LY96: variants seen among roughly 807,000 people sequenced by gnomAD.
LY96 encodes myeloid differentiation protein-2.
Under a neutral mutation model 18.9 loss-of-function variants are expected in LY96, and 18 were observed. That is an observed-to-expected ratio of 0.95 (90% CI 0.66 to 1.41). The LOEUF (loss-of-function observed/expected upper bound fraction) is 1.41, where lower values mean the gene tolerates loss of function less well. Among genes scored for constraint, LY96 ranks in the 40% most tolerant of loss-of-function variants. LY96 has a pLI of 0.00. For synonymous variants in LY96, 66 were observed against 62.6 expected (o/e 1.06, Z -0.26); for missense variants, 175 against 182.4 (o/e 0.96, Z 0.23).
intron 1 of LY96, among the ~76,000 whole-genome samples, chr8:73,995,553 A>G (rs1411567745): frequency 6.6e-6 from 1 of 152,192 alleles, no homozygotes; most frequent in East Asian, 1.9e-4. Flanking sequence ...AATGGGGACG[A>G]GAGGAATGAG....
At chr8:74,006,811 T>C (rs1316726538) in intron 2 of LY96, among the ~76,000 whole-genome samples, 1 of 152,230 alleles carries the variant, frequency 6.6e-6, no homozygotes, top group Admixed American at 6.5e-5. Context: ...AGTGAATCCC[T>C]TGCCCTTACT....
At chr8:74,016,585 G>T (rs1389338223) in intron 3 of LY96, among the ~76,000 whole-genome samples, 1 of 152,364 alleles carries the variant, frequency 6.6e-6, no homozygotes, top group South Asian at 2.1e-4. Context: ...CCCCTGTGTA[G>T]CCTAACTCGG....
intron 3 of LY96, among the ~76,000 whole-genome samples, chr8:74,017,719 A>G (rs991178848): frequency 6.6e-6 from 1 of 152,242 alleles, no homozygotes. Context: ...GAAACTCTAC[A>G]AGCCAGAAGA....
At chr8:74,039,930 CAG>C in the LY96 span, among the ~76,000 whole-genome samples, 23 of 152,236 alleles carry the variant, frequency 1.5e-4, no homozygotes, top group African/African-American at 5.5e-4. Flanking sequence ...GCTGGTGGAG[CAG>C]AGTGTTCCCT....
chr8:74,078,643 G>A, the LY96 span, among the ~76,000 whole-genome samples: 1 of 152,114 alleles, frequency 6.6e-6, no homozygotes, highest in Non-Finnish European at 1.5e-5. Flanking sequence ...GAATCTGGCA[G>A]CACCCCTGGG....
chr8:74,055,550 A>G, the LY96 span, among the ~76,000 whole-genome samples: 1 of 152,208 alleles, frequency 6.6e-6, no homozygotes, highest in African/African-American at 2.4e-5. Flanking sequence ...TATGCATAGT[A>G]GACAGAATGG....
chr8:74,052,845 T>C, the LY96 span, among the ~76,000 whole-genome samples: 1 of 152,150 alleles, frequency 6.6e-6, no homozygotes, highest in Non-Finnish European at 1.5e-5. Context: ...GGGGTATGAT[T>C]GTGGTGAATA....
the LY96 span, among the ~76,000 whole-genome samples, chr8:74,097,019 G>A: frequency 6.6e-6 from 1 of 152,140 alleles, no homozygotes; most frequent in African/African-American, 2.4e-5. Flanking sequence ...GGTGGTCAGG[G>A]AGCCTGGACT....
At chr8:74,016,776 C>T (rs1413987206) in intron 3 of LY96, among the ~76,000 whole-genome samples, 1 of 152,190 alleles carries the variant, frequency 6.6e-6, no homozygotes, top group Non-Finnish European at 1.5e-5. Context: ...TGGAGTGGAC[C>T]TCCAGCAAAC....
At chr8:74,046,903 C>CTTT in the LY96 span, among the ~76,000 whole-genome samples, 28,353 of 134,860 alleles carry the variant, frequency 0.21, 3,863 homozygotes, top group African/African-American at 0.36. Flanking sequence ...CATTCTCATT[C>CTTT]TTTTTTTTTT....
the LY96 span, among the ~76,000 whole-genome samples, chr8:74,074,172 G>A: frequency 6.6e-6 from 1 of 151,984 alleles, no homozygotes; most frequent in African/African-American, 2.4e-5. Context: ...TAATGTTTTT[G>A]TAGTTTTAGT....
the LY96 span, chr8:74,079,716 G>A: frequency 2.7e-5 from 4 of 150,152 alleles, no homozygotes; most frequent in East Asian, 1.9e-4. Flanking sequence ...TTTTTTTTTC[G>A]AAACAGGGTG....
At chr8:74,074,832 T>C in the LY96 span, among the ~76,000 whole-genome samples, 10 of 152,360 alleles carry the variant, frequency 6.6e-5, no homozygotes, top group East Asian at 1.9e-4. Flanking sequence ...TTTTATTCCA[T>C]TGTAGCCAGA....
chr8:74,055,264 T>A, the LY96 span, among the ~76,000 whole-genome samples: 1 of 152,164 alleles, frequency 6.6e-6, no homozygotes, highest in Non-Finnish European at 1.5e-5. Context: ...TTTATGTCCT[T>A]TTTATACATA....
At chr8:74,075,095 A>G in the LY96 span, among the ~76,000 whole-genome samples, 171 of 152,346 alleles carry the variant, frequency 1.1e-3, 1 homozygote, top group Middle Eastern at 3.4e-3. Flanking sequence ...TGAAGTCTAC[A>G]GCTATTATTA....
intron 1 of LY96, among the ~76,000 whole-genome samples, chr8:73,997,647 T>G (rs757281818): frequency 3.9e-5 from 6 of 152,124 alleles, no homozygotes; most frequent in Non-Finnish European, 8.8e-5. Flanking sequence ...TCCTCCCACA[T>G]CAGATGCCAT....
At chr8:74,019,826 A>G (rs1816722660) in intron 3 of LY96, among the ~76,000 whole-genome samples, 1 of 152,200 alleles carries the variant, frequency 6.6e-6, no homozygotes. Flanking sequence ...AAATCACACG[A>G]TTATGTCACT....
chr8:74,090,119 C>CA, the LY96 span, among the ~76,000 whole-genome samples: 3 of 152,132 alleles, frequency 2.0e-5, no homozygotes, highest in Non-Finnish European at 2.9e-5. Flanking sequence ...TATGCTCCAT[C>CA]AAGAAGAGAT....
At chr8:74,034,900 G>A in the LY96 span, among the ~76,000 whole-genome samples, 4 of 152,110 alleles carry the variant, frequency 2.6e-5, no homozygotes, top group African/African-American at 9.7e-5. Context: ...TGCCTAAACA[G>A]CCAGTAAAAC....
Sources: gnomAD v4.1 joint callset for allele counts (sites outside exome capture counted in the v4.1 genomes callset) on GRCh38, gnomAD v4.1.1 for gene constraint, MANE v1.5 for transcripts, NCBI Gene and HGNC (gene_info 2026-07-23, HGNC 2026-07-21) for gene names.